Variants in ROR1 observed in about 807,000 individuals in gnomAD.
ROR1 encodes ROR family WNT receptor 1.
Under a neutral mutation model 78.8 loss-of-function variants are expected in ROR1, and 19 were observed. The observed-to-expected ratio is 0.24, with a 90% CI of 0.17 to 0.35. The LOEUF (loss-of-function observed/expected upper bound fraction) is 0.35. ROR1 is among the 10% of genes least tolerant of loss of function. The probability of loss-of-function intolerance (pLI) is 1.00; values close to 1 mark genes in which losing one functional copy is unlikely to be tolerated. For missense variants in ROR1, 917 were observed against 1,177.8 expected (o/e 0.78, Z 3.24); for synonymous variants, 386 against 433.6 (o/e 0.89, Z 1.36).
At chr1:63,941,384 A>G (rs1322601594) in intron 1 of ROR1, among the ~76,000 whole-genome samples, 1 of 152,212 alleles carries the variant, frequency 6.6e-6, no homozygotes, top group Non-Finnish European at 1.5e-5. Context: ...AAGTCTGGGT[A>G]GATAAAGGAT....
Position 63,851,273 on chromosome 1 carries a change from C to T in ROR1, c.91+76765C>T, listed in dbSNP as rs1645112326. The stretch of plus-strand genomic sequence containing the variant: ...GATTACAGGCGTGAGCCACTGCGCC[C>T]GGCCGCTTTTTGGGTTTTAATGTCC... On this transcript the variant is annotated intron_variant, in intron 1 of 8. Coordinates refer to ENST00000371079, the MANE Select transcript of ROR1 (RefSeq NM_005012.4). Among the ~76,000 whole-genome samples the T allele has an allele frequency of 2.6e-5, 4 of 152,154 alleles. 1 individual carries two copies. Among genetic ancestry groups the T allele is most frequent in the African/African-American group, 9.7e-5 (4 of 41,438 alleles).
chr1:63,829,996 A>G (rs1006659902), intron 1 of ROR1, among the ~76,000 whole-genome samples: 17 of 151,742 alleles, frequency 1.1e-4, no homozygotes, highest in African/African-American at 4.1e-4. Flanking sequence ...TGACTGGTGA[A>G]TATCATAGCA....
rs188002836 is a variant in ROR1 at position 63,954,879 on chromosome 1, C to T, written c.92-54426C>T. On this transcript the variant is annotated intron_variant, in intron 1 of 8. Transcript: ENST00000371079. ...ACCAATCCCCCAAGATACCAAGGGA[C>T]GACTGTAATTAGTTGGATTCCATTA... Among the ~76,000 whole-genome samples the T allele has an allele frequency of 2.4e-3, 371 of 152,096 alleles. 2 individuals are homozygous for T. Among genetic ancestry groups the T allele is most frequent in the African/African-American group, 8.6e-3 (355 of 41,492 alleles).
At chr1:64,052,260 A>G (rs116484067) in intron 4 of ROR1, among the ~76,000 whole-genome samples, 2,492 of 151,448 alleles carry the variant, frequency 0.016, 68 homozygotes, top group African/African-American at 0.058. Flanking sequence ...TTAAACAAAG[A>G]TGAAAACTTT....
intron 1 of ROR1, among the ~76,000 whole-genome samples, chr1:63,801,042 T>C (rs753007185): frequency 2.0e-5 from 3 of 152,158 alleles, no homozygotes; most frequent in African/African-American, 4.8e-5. Flanking sequence ...ATATTACTTA[T>C]TGCTGATTTT....
chr1:64,024,143 T>C (rs1646588818), intron 2 of ROR1, among the ~76,000 whole-genome samples: 1 of 152,188 alleles, frequency 6.6e-6, no homozygotes, highest in South Asian at 2.1e-4. Flanking sequence ...CTTTATAAAT[T>C]ATCCAGTCTC....
chr1:63,918,414 G>T (rs1645627052), intron 1 of ROR1, among the ~76,000 whole-genome samples: 3 of 152,114 alleles, frequency 2.0e-5, no homozygotes, highest in Admixed American at 2.0e-4. Flanking sequence ...GAATTTGAAC[G>T]CAGGTCTGTC....
At chr1:63,915,839 A>G (rs956537899) in intron 1 of ROR1, among the ~76,000 whole-genome samples, 46 of 152,044 alleles carry the variant, frequency 3.0e-4, no homozygotes, top group Admixed American at 3.9e-4. Flanking sequence ...CAAATATACT[A>G]AATATCTTGT....
Position 64,142,550 on chromosome 1 carries a change from C to G in ROR1, c.1074C>G (p.Gly358=). The change falls in exon 7 of 9, where the codon GGC becomes GGG. Residue 358 remains glycine (G), a synonymous_variant. Coordinates refer to ENST00000371079, the MANE Select transcript of ROR1 (RefSeq NM_005012.4). ...TTCGTTTCCCAGAGCTGAATGGAGG[C>G]CATTCCTACTGCCGCAACCCAGGGA... ...TALRFPELNG[G]HSYCRNPGNQ... 1.2e-6 allele frequency: 2 copies of G among 1,614,178 alleles called. No individual in the cohort carries two copies. Among genetic ancestry groups the G allele is most frequent in the Non-Finnish European group, 8.5e-7 (1 of 1,180,030 alleles).
At chr1:63,890,604 GA>G (rs1210921109) in intron 1 of ROR1, among the ~76,000 whole-genome samples, 5 of 152,002 alleles carry the variant, frequency 3.3e-5, no homozygotes, top group Non-Finnish European at 7.4e-5. Flanking sequence ...AGTACTGAAA[GA>G]TTTATCTTGG....
At chr1:63,860,919 A>G (rs1025103362) in intron 1 of ROR1, among the ~76,000 whole-genome samples, 1 of 152,188 alleles carries the variant, frequency 6.6e-6, no homozygotes, top group Non-Finnish European at 1.5e-5. Context: ...CCTTATAACA[A>G]TGATGAACAG....
chr1:63,907,624 T>C (rs1645539361), intron 1 of ROR1, among the ~76,000 whole-genome samples: 1 of 152,202 alleles, frequency 6.6e-6, no homozygotes, highest in Non-Finnish European at 1.5e-5. Context: ...TCACTGAGCC[T>C]TTGAATCCCC....
rs1416910736 is a variant in ROR1, at chr1:64,179,036, A to C, written c.*181A>C. On this transcript the variant is annotated 3_prime_UTR_variant, in exon 9 of 9. Coordinates refer to ENST00000371079, the MANE Select transcript of ROR1 (RefSeq NM_005012.4). Reference sequence around the variant, plus strand: ...AGACACTCGGCCAGAAAAAAAAAAAAAAAAAAAAAACAAGCAAACAAAAAC... The same window carrying C: ...AGACACTCGGCCAGAAAAAAAAAAACAAAAAAAAAACAAGCAAACAAAAAC... 26 of 543,974 alleles carry C rather than the reference A, an allele frequency of 4.8e-5. No homozygotes were observed. The highest frequency in any genetic ancestry group is 3.1e-4 in the African/African-American group (16 of 52,038). 33.7% of individuals were successfully genotyped at this position (543,974 alleles called of 1,614,324 possible). A position where few individuals can be genotyped will look rare whatever the true frequency, so the allele number is the denominator to read the frequency against.
intron 1 of ROR1, among the ~76,000 whole-genome samples, chr1:63,997,713 A>G (rs1166517926): frequency 2.0e-5 from 3 of 152,146 alleles, no homozygotes; most frequent in Admixed American, 6.6e-5. Flanking sequence ...AATAGTTTAG[A>G]GACAGGGGTC....
chr1:64,040,954 A>T (rs1287168521), intron 2 of ROR1, among the ~76,000 whole-genome samples: 2 of 152,166 alleles, frequency 1.3e-5, no homozygotes, highest in Admixed American at 1.3e-4. Flanking sequence ...AAAAATAAAG[A>T]CTGGTAAAAA....
chr1:63,848,002 T>G (rs1214817051), intron 1 of ROR1, among the ~76,000 whole-genome samples: 3 of 152,240 alleles, frequency 2.0e-5, no homozygotes, highest in Non-Finnish European at 2.9e-5. Flanking sequence ...GAGCTCCCTT[T>G]TTGTTTCCTA....
At chr1:64,159,988 A>C (rs1649892894) in intron 8 of ROR1, among the ~76,000 whole-genome samples, 1 of 152,146 alleles carries the variant, frequency 6.6e-6, no homozygotes, top group Non-Finnish European at 1.5e-5. Flanking sequence ...GAAAGCCAGC[A>C]CCACAATCCC....
chr1:63,921,410 A>G (rs1645653324), intron 1 of ROR1, among the ~76,000 whole-genome samples: 1 of 152,056 alleles, frequency 6.6e-6, no homozygotes, highest in Non-Finnish European at 1.5e-5. Context: ...AACCAAGTAA[A>G]TGGCAGAGGA....
At position 63,883,315 on chromosome 1, in the gene ROR1, T is replaced by C. The variant is rs180947861; in HGVS notation, c.91+108807T>C. On this transcript the variant is annotated intron_variant, in intron 1 of 8. Transcript: ENST00000371079. ...TTGAGCCCAACCTTTAAGTTGTGTCTCTTGTTGGGGCAGGTTTCTTGACTT... is the reference window on the plus strand; with the variant it reads ...TTGAGCCCAACCTTTAAGTTGTGTCCCTTGTTGGGGCAGGTTTCTTGACTT... 2.0e-5 allele frequency among the ~76,000 whole-genome samples: 3 copies of C among 152,298 alleles called. No homozygotes were observed. The East Asian group carries it at 5.8e-4, about 29-fold the overall frequency.
Sources: allele counts gnomAD v4.1 joint callset (sites outside exome capture counted in the v4.1 genomes callset), GRCh38; gene constraint gnomAD v4.1.1; transcripts MANE v1.5; gene names NCBI Gene and HGNC (gene_info 2026-07-23, HGNC 2026-07-21).